The following PRR33 variants were observed in gnomAD, a reference collection of about 807,000 sequenced individuals.
PRR33 encodes the protein proline rich 33, also known as proline-rich protein 33.
A neutral mutation model predicts 0.5 loss-of-function variants in PRR33; 1 was observed. The ratio of observed to expected loss-of-function variants is 2.18; its 90% CI spans 0.77 to 10.34. PRR33 has a LOEUF of 10.34. PRR33 is among the 30% of genes most tolerant of loss of function. The probability of loss-of-function intolerance (pLI) is 0.13; values close to 1 mark genes in which losing one functional copy is unlikely to be tolerated. For synonymous variants in PRR33, 226 were observed against 110.0 expected (o/e 2.06, Z -6.60); for missense variants, 552 against 251.8 (o/e 2.19, Z -8.07).
chr11:1,915,660 T>C, the PRR33 span, among the ~76,000 whole-genome samples: 1 of 1,926 alleles, frequency 5.2e-4, no homozygotes, highest in African/African-American at 2.7e-3. Flanking sequence ...ATGTTATGTG[T>C]GTGTGTTTTG....
the PRR33 span, among the ~76,000 whole-genome samples, chr11:1,902,350 A>G: frequency 1.3e-5 from 2 of 152,226 alleles, no homozygotes; most frequent in Non-Finnish European, 2.9e-5. Context: ...CCATTAAGGA[A>G]TAAGGCAAAG....
chr11:1,912,240 T>A, the PRR33 span, among the ~76,000 whole-genome samples: 3 of 152,090 alleles, frequency 2.0e-5, no homozygotes, highest in Admixed American at 6.6e-5. Flanking sequence ...TTGAAAAAAA[T>A]TCTTGCTGTT....
At chr11:1,889,748 G>A (rs1387457125) in exon 1 of PRR33, 1 of 655,758 alleles carries the variant, frequency 1.5e-6, no homozygotes, top group South Asian at 1.7e-5. Flanking sequence ...TGTGCGGTGA[G>A]GACTCCAGCG....
chr11:1,892,572 C>T (rs1176616283), upstream of PRR33, among the ~76,000 whole-genome samples: 1 of 152,178 alleles, frequency 6.6e-6, no homozygotes, highest in Non-Finnish European at 1.5e-5. Context: ...AGGGCAAGAT[C>T]CACCTCGGGG....
At chr11:1,902,231 C>CAA in the PRR33 span, among the ~76,000 whole-genome samples, 276 of 126,826 alleles carry the variant, frequency 2.2e-3, no homozygotes, top group Non-Finnish European at 2.8e-3. Flanking sequence ...GACTCTATCT[C>CAA]AAAAAAAAAA....
the PRR33 span, among the ~76,000 whole-genome samples, chr11:1,911,790 G>A: frequency 6.6e-6 from 1 of 151,826 alleles, no homozygotes. Context: ...AAAATTTTTT[G>A]TAGTCTTTAC....
upstream of PRR33, among the ~76,000 whole-genome samples, chr11:1,896,182 C>T (rs994127003): frequency 1.3e-5 from 2 of 152,210 alleles, no homozygotes; most frequent in African/African-American, 4.8e-5. Flanking sequence ...TAGCTCTTCT[C>T]CTCCTCTGCT....
At chr11:1,897,739 C>T in the PRR33 span, among the ~76,000 whole-genome samples, 1 of 152,166 alleles carries the variant, frequency 6.6e-6, no homozygotes, top group Non-Finnish European at 1.5e-5. This position sits in a 1 kb window ranked among gnomAD's most constrained non-coding sequence, Gnocchi z 4.0. Context: ...ACCTAGGTTA[C>T]GACATCCTCA....
chr11:1,913,268 A>G, the PRR33 span, among the ~76,000 whole-genome samples: 1 of 150,014 alleles, frequency 6.7e-6, no homozygotes, highest in Non-Finnish European at 1.5e-5. Flanking sequence ...CTGGGACTAC[A>G]GGCACCCACC....
At chr11:1,889,479 G>A (rs952280626) in exon 1 of PRR33, 3 of 619,978 alleles carry the variant, frequency 4.8e-6, no homozygotes, top group Non-Finnish European at 8.9e-6. Flanking sequence ...TGTGGGGGTG[G>A]GCACCTCTGG....
At chr11:1,908,592 C>A in the PRR33 span, among the ~76,000 whole-genome samples, 1 of 151,954 alleles carries the variant, frequency 6.6e-6, no homozygotes, top group Non-Finnish European at 1.5e-5. Flanking sequence ...TCTACTTTAT[C>A]TTCTAGCTGG....
chr11:1,910,594 A>G, the PRR33 span, among the ~76,000 whole-genome samples: 1 of 152,100 alleles, frequency 6.6e-6, no homozygotes, highest in Non-Finnish European at 1.5e-5. Flanking sequence ...TAAGTAATCA[A>G]TCAGGTGGTT....
chr11:1,913,528 C>G, the PRR33 span, among the ~76,000 whole-genome samples: 1 of 152,174 alleles, frequency 6.6e-6, no homozygotes. Context: ...TCTGGGGTCT[C>G]CCATTCTCCT....
chr11:1,890,757 T>G, exon 1 of PRR33: 1 of 597,028 alleles, frequency 1.7e-6, no homozygotes, highest in Non-Finnish European at 3.0e-6. Flanking sequence ...AGCTCGACTG[T>G]GCCTTGGGGA....
chr11:1,912,682 G>A, the PRR33 span, among the ~76,000 whole-genome samples: 11 of 151,772 alleles, frequency 7.2e-5, no homozygotes, highest in Middle Eastern at 3.4e-3. Context: ...ACGGCTCACC[G>A]CAACCTCCGC....
the PRR33 span, among the ~76,000 whole-genome samples, chr11:1,916,404 CA>C: frequency 6.6e-6 from 1 of 152,118 alleles, no homozygotes; most frequent in Non-Finnish European, 1.5e-5. Flanking sequence ...ACCACCCACA[CA>C]AGGGAGGTGA....
At chr11:1,894,630 T>C (rs1460353255), upstream of PRR33, among the ~76,000 whole-genome samples, 1 of 152,148 alleles carries the variant, frequency 6.6e-6, no homozygotes, top group Non-Finnish European at 1.5e-5. Flanking sequence ...TATTCTGAGA[T>C]CCATGCTTGC....
upstream of PRR33, chr11:1,892,174 G>GGCCAT (rs1363243542): frequency 1.3e-5 from 2 of 152,268 alleles, no homozygotes; most frequent in African/African-American, 4.8e-5. Flanking sequence ...GGCTGATAAC[G>GGCCAT]GCCATGCAGG....
rs1848933663 is a variant in PRR33, at chr11:1,890,154, G to A, written c.431C>T (p.Ala144Val). Residue 144 changes from alanine to valine, a missense_variant, in exon 1 of 1, where the codon GCT becomes GTT. By Grantham distance (64) the Ala-to-Val change is moderately conservative (BLOSUM62 0). Transcript: ENST00000640310. ...CTGGGGCCCCATGGCCCTGAATTGAGCAGCTAGAATCCTGCGCTGGGTGAG... is the reference window on the plus strand; with the variant it reads ...CTGGGGCCCCATGGCCCTGAATTGAACAGCTAGAATCCTGCGCTGGGTGAG... 5.6e-6 allele frequency: 4 copies of A among 717,132 alleles called. No individual in the cohort carries two copies. In the East Asian group the frequency reaches 1.1e-4, roughly 19 times the overall value. 44.4% of individuals were successfully genotyped at this position (717,132 alleles called of 1,614,324 possible). A position where few individuals can be genotyped will look rare whatever the true frequency, so the allele number is the denominator to read the frequency against.
Sources: allele counts gnomAD v4.1 joint callset (sites outside exome capture counted in the v4.1 genomes callset), GRCh38; gene constraint gnomAD v4.1.1; non-coding constraint Gnocchi (gnomAD v3.1); transcripts MANE v1.5; gene names NCBI Gene and HGNC (gene_info 2026-07-23, HGNC 2026-07-21).